ASIC4: variants seen among roughly 807,000 people sequenced by gnomAD.
ASIC4 encodes the protein acid sensing ion channel subunit family member 4, also known as acid-sensing ion channel 4.
ASIC4 carries 28 observed loss-of-function variants against 53.4 expected under a neutral mutation model. That is an observed-to-expected ratio of 0.52 (90% CI 0.39 to 0.72). The LOEUF is 0.72. ASIC4 is among the 30% of genes least tolerant of loss of function. ASIC4 has a pLI of 0.00. For synonymous variants in ASIC4, 289 were observed against 301.4 expected (o/e 0.96, Z 0.43); for missense variants, 649 against 729.7 (o/e 0.89, Z 1.27).
rs926878302 is a variant in ASIC4 at position 219,517,306 on chromosome 2, G to A, written c.582+2000G>A. On this transcript the variant is annotated intron_variant, in intron 1 of 9. Transcript: ENST00000358078. This position sits in a 1 kb window ranked among gnomAD's most constrained non-coding sequence, Gnocchi z 4.2. The stretch of plus-strand genomic sequence containing the variant: ...AATCCTGGGGATGGCCTGGAGGAGT[G>A]TGGGTGGATTTCCCACAGGCCCTCT... The A allele has an allele frequency of 2.6e-5, 4 of 152,602 alleles. No individual in the cohort carries two copies. 9.5% of individuals were successfully genotyped at this position (152,602 alleles called of 1,614,324 possible).
chr2:219,529,376 G>T (rs1048756870), intron 1 of ASIC4, among the ~76,000 whole-genome samples: 1 of 152,172 alleles, frequency 6.6e-6, no homozygotes, highest in Non-Finnish European at 1.5e-5. Context: ...GGATGTTGAG[G>T]GAAGGAGAGG....
chr2:219,510,488 C>T (rs1694686962), upstream of ASIC4, among the ~76,000 whole-genome samples: 2 of 152,214 alleles, frequency 1.3e-5, no homozygotes, highest in African/African-American at 2.4e-5. The surrounding 1 kb of genome is among the most constrained non-coding windows in gnomAD (Gnocchi z 5.2). Context: ...ACGATGGCTG[C>T]GTCCATCCCA....
chr2:219,513,652 C>G (rs1694730604), upstream of ASIC4, among the ~76,000 whole-genome samples: 1 of 152,220 alleles, frequency 6.6e-6, no homozygotes, highest in Non-Finnish European at 1.5e-5. Flanking sequence ...GCTTACCCAA[C>G]AGCCCTCCCC....
chr2:219,531,997 G>A lies in ASIC4; in HGVS notation c.728-4G>A, dbSNP rs980004807. The A allele has an allele frequency of 6.2e-7, 1 of 1,614,220 alleles. No homozygotes were observed. The highest frequency in any genetic ancestry group is 8.5e-7 in the Non-Finnish European group (1 of 1,180,010). ...TTCCAAAGGTCCCCATCTCTGCTGT[G>A]CAGATGAGACGTCGTTTGAGGCAGG... is the stretch of plus-strand genomic sequence containing the variant. On this transcript the variant is annotated splice_region_variant and splice_polypyrimidine_tract_variant and intron_variant, in intron 2 of 9. Coordinates refer to ENST00000358078, the MANE Select transcript of ASIC4 (RefSeq NM_018674.6).
chr2:219,535,436 T>A (rs1182165646), intron 6 of ASIC4, 112 bp downstream of exon 6: 22 of 1,255,102 alleles, frequency 1.8e-5, no homozygotes, highest in Non-Finnish European at 2.4e-5. Flanking sequence ...TGTGTATGTG[T>A]TTGTGTGTAT....
intron 1 of ASIC4, among the ~76,000 whole-genome samples, chr2:219,527,243 G>T (rs553624556): frequency 6.6e-6 from 1 of 152,324 alleles, no homozygotes; most frequent in Non-Finnish European, 1.5e-5. Flanking sequence ...GCAACGCTGT[G>T]CTCTGACCAG....
chr2:219,531,784 C>A lies in ASIC4; in HGVS notation c.609C>A (p.Tyr203Ter). ...TCTATACTCGCTATGGGAAGTGTTACACCTTCAACGCGGACCCGCGGAGCT... is the reference window on the plus strand; with the variant it reads ...TCTATACTCGCTATGGGAAGTGTTAAACCTTCAACGCGGACCCGCGGAGCT... Reference protein sequence around the residue: ...SVVYTRYGKCYTFNADPRSSL... With the variant: ...SVVYTRYGKC The change falls in exon 2 of 10, where the codon TAC becomes TAA. Residue 203 changes from tyrosine (Y) to a stop codon, truncating the protein, a stop_gained. Coordinates refer to ENST00000358078, the MANE Select transcript of ASIC4 (RefSeq NM_018674.6). LOFTEE classifies it high-confidence loss of function. The A allele has an allele frequency of 1.2e-6, 2 of 1,609,820 alleles. No homozygotes were observed. The highest frequency in any genetic ancestry group is 1.7e-6 in the Non-Finnish European group (2 of 1,177,998).
In ASIC4 at chr2:219,535,245, A is replaced by T. The variant is rs1350274559; in HGVS notation, c.1150A>T (p.Ile384Phe). Reference sequence around the variant, plus strand: ...CAACCTGACACGCTATGGGAAAGAGATCTCCATGGTCAGGATCCCCAACAG... The same window carrying T: ...CAACCTGACACGCTATGGGAAAGAGTTCTCCATGGTCAGGATCCCCAACAG... ...PCNLTRYGKEISMVRIPNRGS... is the reference protein window; with the variant it reads ...PCNLTRYGKEFSMVRIPNRGS... The change falls in exon 6 of 10, where the codon ATC (isoleucine) becomes TTC (phenylalanine). Residue 384 changes from isoleucine (I) to phenylalanine (F), a missense_variant. Ile to Phe is a conservative substitution (Grantham distance 21). Coordinates refer to ENST00000358078, the MANE Select transcript of ASIC4 (RefSeq NM_018674.6). 1.2e-6 allele frequency: 2 copies of T among 1,613,844 alleles called. No homozygotes were observed. The highest frequency in any genetic ancestry group is 2.7e-5 in the African/African-American group (2 of 74,898).
chr2:219,521,969 C>T (rs1025752840), intron 1 of ASIC4, among the ~76,000 whole-genome samples: 1 of 152,168 alleles, frequency 6.6e-6, no homozygotes, highest in Non-Finnish European at 1.5e-5. Context: ...GACAGAGGGG[C>T]AGAGATCCTG....
intron 1 of ASIC4, among the ~76,000 whole-genome samples, chr2:219,520,128 A>G (rs1694862488): frequency 6.6e-6 from 1 of 151,896 alleles, no homozygotes; most frequent in Admixed American, 6.6e-5. Context: ...GCGCCTCACT[A>G]TCTCCATCCC....
chr2:219,521,559 C>T (rs1468955778), intron 1 of ASIC4, among the ~76,000 whole-genome samples: 1 of 152,164 alleles, frequency 6.6e-6, no homozygotes, highest in African/African-American at 2.4e-5. Context: ...GGAAGCACTA[C>T]AGGGAGCATT....
At position 219,537,885 on chromosome 2, in the gene ASIC4, A is replaced by C; in HGVS notation, c.1507-48A>C. On this transcript the variant is annotated intron_variant, in intron 9 of 9. Transcript: ENST00000358078. The surrounding 1 kb of genome is among the most constrained non-coding windows in gnomAD (Gnocchi z 4.9). ...GGCTGGCGGTGTGAGCCCTGGGGGC[A>C]CCACTTGAGCTCTCCCGGTCCCACT... 2 of 1,520,262 alleles carry C rather than the reference A, an allele frequency of 1.3e-6. No homozygotes were observed. The highest frequency in any genetic ancestry group is 1.2e-5 in the South Asian group (1 of 83,548). The allele number at this position is 1,520,262 out of a possible 1,614,324, so 94.2% of individuals were successfully genotyped here.
In ASIC4 at chr2:219,537,178, C is replaced by T. The variant is rs766843449; in HGVS notation, c.1321+21C>T. ...GCTGGGTGAGACTGGTGTCCCTGCCCCCAGCTTGTGTGGGGGTGGATCGGC... is the reference window on the plus strand; with the variant it reads ...GCTGGGTGAGACTGGTGTCCCTGCCTCCAGCTTGTGTGGGGGTGGATCGGC... On this transcript the variant is annotated intron_variant, in intron 7 of 9. Transcript: ENST00000358078. The surrounding 1 kb of genome is among the most constrained non-coding windows in gnomAD (Gnocchi z 4.9). 1.9e-6 allele frequency: 3 copies of T among 1,613,158 alleles called. No individual in the cohort carries two copies. Among genetic ancestry groups the T allele is most frequent in the South Asian group, 2.2e-5 (2 of 91,064 alleles).
intron 6 of ASIC4, among the ~76,000 whole-genome samples, chr2:219,535,627 ATG>A (rs1227794310): frequency 2.0e-5 from 3 of 149,582 alleles, no homozygotes; most frequent in African/African-American, 7.4e-5. Context: ...GAATGTGTCT[ATG>A]TCTGTGTGGG....
chr2:219,511,356 C>T (rs2125648990), upstream of ASIC4, among the ~76,000 whole-genome samples: 1 of 152,092 alleles, frequency 6.6e-6, no homozygotes, highest in South Asian at 2.1e-4. This position sits in a 1 kb window ranked among gnomAD's most constrained non-coding sequence, Gnocchi z 5.3. Context: ...CAGAAACCCA[C>T]TGCTCTCCCT....
At chr2:219,511,050 G>T (rs1694694955), upstream of ASIC4, among the ~76,000 whole-genome samples, 1 of 152,172 alleles carries the variant, frequency 6.6e-6, no homozygotes, top group Non-Finnish European at 1.5e-5. The surrounding 1 kb of genome is among the most constrained non-coding windows in gnomAD (Gnocchi z 5.3). Context: ...TCCCACACTG[G>T]CTCATCACTT....
chr2:219,536,150 A>G lies in ASIC4; in HGVS notation c.1229+826A>G, dbSNP rs373209776. ...TCTCCACCTCCAGGGAAGTGCTTCC[A>G]GGTCCAAACACCTTTCATCTGAGTT... is the stretch of plus-strand genomic sequence containing the variant. On this transcript the variant is annotated intron_variant, in intron 6 of 9. Transcript: ENST00000358078. This position sits in a 1 kb window ranked among gnomAD's most constrained non-coding sequence, Gnocchi z 4.6. 3.3e-5 allele frequency among the ~76,000 whole-genome samples: 5 copies of G among 152,332 alleles called. No homozygotes were observed. The East Asian group carries it at 9.7e-4, about 29-fold the overall frequency.
intron 1 of ASIC4, among the ~76,000 whole-genome samples, chr2:219,521,486 C>T (rs1017037461): frequency 2.0e-5 from 3 of 152,228 alleles, no homozygotes; most frequent in African/African-American, 4.8e-5. Context: ...GGCGGCAGGG[C>T]TGCCTCTGCT....
At chr2:219,509,201 C>G (rs117997072), upstream of ASIC4, among the ~76,000 whole-genome samples, 1 of 152,076 alleles carries the variant, frequency 6.6e-6, no homozygotes, top group Non-Finnish European at 1.5e-5. The surrounding 1 kb of genome is among the most constrained non-coding windows in gnomAD (Gnocchi z 5.2). Context: ...CAGCCATTAT[C>G]GGGGGAGCAG....
Sources: allele counts gnomAD v4.1 joint callset (sites outside exome capture counted in the v4.1 genomes callset), GRCh38; gene constraint gnomAD v4.1.1; non-coding constraint Gnocchi (gnomAD v3.1); transcripts MANE v1.5; gene names NCBI Gene and HGNC (gene_info 2026-07-23, HGNC 2026-07-21).